Variants in CSNK1G3 observed in about 807,000 individuals in gnomAD.
CSNK1G3 encodes the protein casein kinase 1 gamma 3, also known as casein kinase I isoform gamma-3.
Under a neutral mutation model 64.3 loss-of-function variants are expected in CSNK1G3, and 23 were observed. The ratio of observed to expected loss-of-function variants is 0.36; its 90% CI spans 0.26 to 0.51. CSNK1G3 has a LOEUF of 0.51. CSNK1G3 is among the 20% of genes least tolerant of loss of function. The pLI is 0.96. For missense variants in CSNK1G3, 357 were observed against 510.5 expected (o/e 0.70, Z 2.90); for synonymous variants, 158 against 162.2 (o/e 0.97, Z 0.20).
intron 5 of CSNK1G3, among the ~76,000 whole-genome samples, chr5:123,574,926 A>AT (rs1788880178): frequency 6.6e-6 from 1 of 152,194 alleles, no homozygotes; most frequent in African/African-American, 2.4e-5. Context: ...TTAAGAATAT[A>AT]TAGACATAGA....
exon 13 of CSNK1G3, chr5:123,616,454 T>C (rs755589877): frequency 3.5e-4 from 54 of 152,746 alleles, no homozygotes; most frequent in Non-Finnish European, 6.3e-4. Flanking sequence ...AATCCAATTA[T>C]GGACTTAAAA....
At chr5:123,517,971 G>A (rs1477812221) in intron 1 of CSNK1G3, among the ~76,000 whole-genome samples, 1 of 150,596 alleles carries the variant, frequency 6.6e-6, no homozygotes, top group African/African-American at 2.4e-5. Context: ...TATTCCCAGA[G>A]GTTCATTCCT....
At chr5:123,568,449 A>C (rs1182432622) in intron 4 of CSNK1G3, among the ~76,000 whole-genome samples, 1 of 152,184 alleles carries the variant, frequency 6.6e-6, no homozygotes, top group African/African-American at 2.4e-5. Flanking sequence ...TTGTTGTGTA[A>C]AATAAGAGAA....
At chr5:123,599,658 G>A (rs1490895123) in intron 10 of CSNK1G3, among the ~76,000 whole-genome samples, 6 of 152,204 alleles carry the variant, frequency 3.9e-5, no homozygotes, top group Middle Eastern at 3.4e-3. Context: ...TGAAAATGCA[G>A]TTATTAACAA....
intron 12 of CSNK1G3, among the ~76,000 whole-genome samples, chr5:123,613,957 T>C (rs1457868284): frequency 6.6e-6 from 1 of 152,214 alleles, no homozygotes; most frequent in East Asian, 1.9e-4. Context: ...GAGTCTAAAC[T>C]GATTATTGGT....
At chr5:123,591,261 AT>A in intron 9 of CSNK1G3, 57 bp from the exon 10 acceptor site, 1 of 1,083,154 alleles carries the variant, frequency 9.2e-7, no homozygotes, top group Non-Finnish European at 1.3e-6. Flanking sequence ...CAGCTAAATG[AT>A]TTTAAATAAG....
rs576552759 is a variant in CSNK1G3, at chr5:123,615,171, A to T, written c.*775A>T. On this transcript the variant is annotated 3_prime_UTR_variant, in exon 13 of 13. Coordinates refer to ENST00000345990, the Ensembl canonical transcript of CSNK1G3. Reference sequence around the variant, plus strand: ...ACAATGTAACTTTATGCTTCCAAATAATAATGTATGTTAGACAGCAAGAAA... The same window carrying T: ...ACAATGTAACTTTATGCTTCCAAATTATAATGTATGTTAGACAGCAAGAAA... The T allele has an allele frequency of 2.0e-5, 3 of 152,780 alleles. No homozygotes were observed. In the South Asian group the frequency reaches 6.2e-4, roughly 32 times the overall value. The allele number at this position is 152,780 out of a possible 1,614,324, so 9.5% of individuals were successfully genotyped here.
chr5:123,580,847 A>G (rs1790102323), intron 6 of CSNK1G3, among the ~76,000 whole-genome samples: 2 of 151,896 alleles, frequency 1.3e-5, no homozygotes, highest in Admixed American at 6.6e-5. Flanking sequence ...TTGATTATTC[A>G]AGAATAAAAA....
At chr5:123,612,685 T>C (rs1276466694) in intron 12 of CSNK1G3, among the ~76,000 whole-genome samples, 1 of 151,686 alleles carries the variant, frequency 6.6e-6, no homozygotes, top group Non-Finnish European at 1.5e-5. Flanking sequence ...ACCATGTTGG[T>C]CAGGCTGGTC....
intron 10 of CSNK1G3, among the ~76,000 whole-genome samples, chr5:123,592,274 G>A (rs755099659): frequency 1.8e-4 from 27 of 151,824 alleles, no homozygotes; most frequent in Non-Finnish European, 3.8e-4. Flanking sequence ...AGAATTTGAG[G>A]AATAGCAAGC....
chr5:123,612,534 A>G (rs967065353), intron 12 of CSNK1G3, among the ~76,000 whole-genome samples: 14 of 151,236 alleles, frequency 9.3e-5, no homozygotes, highest in Admixed American at 7.9e-4. Flanking sequence ...CTGGAGTGCA[A>G]TGGCGCGACC....
intron 10 of CSNK1G3, chr5:123,595,064 A>T: frequency 6.2e-7 from 1 of 1,613,448 alleles, no homozygotes; most frequent in Non-Finnish European, 8.5e-7. Flanking sequence ...GCAGCTTGGG[A>T]CTCCCAGCAG....
intron 1 of CSNK1G3, among the ~76,000 whole-genome samples, chr5:123,542,800 A>C (rs2150227504): frequency 6.7e-6 from 1 of 149,874 alleles, no homozygotes; most frequent in South Asian, 2.1e-4. Context: ...TCTGCTTTCA[A>C]GATTTTTCAA....
At chr5:123,604,703 A>C in intron 10 of CSNK1G3, 21 bp from the exon 12 acceptor site, 2 of 1,501,122 alleles carry the variant, frequency 1.3e-6, no homozygotes, top group Admixed American at 1.7e-5. Context: ...TACATATATA[A>C]AAAATTTTTT....
rs566030012 is a variant in CSNK1G3, at chr5:123,556,343, A to G, written c.220-1152A>G. On this transcript the variant is annotated intron_variant, in intron 3 of 12. Transcript: ENST00000345990. ...TAACCTCATCAATTCTGGAATATTC[A>G]TAGCAATAATTTATCCAGTTATTGC... Among the ~76,000 whole-genome samples the G allele has an allele frequency of 4.6e-5, 7 of 152,204 alleles. No homozygotes were observed. The East Asian group carries it at 9.6e-4, about 21-fold the overall frequency.
intron 1 of CSNK1G3, among the ~76,000 whole-genome samples, chr5:123,535,403 C>G (rs1453703958): frequency 6.6e-6 from 1 of 151,934 alleles, no homozygotes; most frequent in Non-Finnish European, 1.5e-5. Context: ...AGGCAAATAG[C>G]TTGCAGGCTG....
intron 6 of CSNK1G3, among the ~76,000 whole-genome samples, chr5:123,583,195 A>G (rs530132229): frequency 1.3e-5 from 2 of 152,176 alleles, no homozygotes; most frequent in Admixed American, 6.6e-5. Context: ...ATACTTTTAC[A>G]TGTATAGTAT....
At chr5:123,531,387 T>C (rs1263698275) in intron 1 of CSNK1G3, among the ~76,000 whole-genome samples, 1 of 152,026 alleles carries the variant, frequency 6.6e-6, no homozygotes, top group East Asian at 1.9e-4. Context: ...TCCTAAATTA[T>C]TGGGCCATGC....
intron 1 of CSNK1G3, among the ~76,000 whole-genome samples, chr5:123,532,555 G>A (rs377361203): frequency 6.6e-6 from 1 of 151,576 alleles, no homozygotes; most frequent in East Asian, 1.9e-4. Context: ...TGAAAACTGT[G>A]GTTTTCTCTT....
Sources: gnomAD v4.1 joint callset for allele counts (sites outside exome capture counted in the v4.1 genomes callset) on GRCh38, gnomAD v4.1.1 for gene constraint, MANE v1.5 for transcripts, NCBI Gene and HGNC (gene_info 2026-07-23, HGNC 2026-07-21) for gene names.